Variants in SLC12A2 observed in about 807,000 individuals in gnomAD.
The protein encoded by SLC12A2 is Na-K-2Cl cotransporter 1.
Under a neutral mutation model 136.3 loss-of-function variants are expected in SLC12A2, and 67 were observed. The observed-to-expected ratio is 0.49, with a 90% confidence interval of 0.40 to 0.60. The LOEUF (loss-of-function observed/expected upper bound fraction) is 0.60. Among genes scored for constraint, SLC12A2 ranks in the 20% least tolerant of loss-of-function variants. SLC12A2 has a pLI of 0.00. For synonymous variants in SLC12A2, 619 were observed against 562.9 expected (o/e 1.10, Z -1.41); for missense variants, 1,322 against 1,534.7 (o/e 0.86, Z 2.32).
At chr5:128,124,282 T>C (rs1030141576) in intron 4 of SLC12A2, among the ~76,000 whole-genome samples, 3 of 152,230 alleles carry the variant, frequency 2.0e-5, no homozygotes, top group South Asian at 2.1e-4. Context: ...TGGACACTAA[T>C]TGGGTATCCA....
intron 10 of SLC12A2, among the ~76,000 whole-genome samples, chr5:128,145,298 C>T (rs1339733437): frequency 6.6e-6 from 1 of 152,074 alleles, no homozygotes; most frequent in African/African-American, 2.4e-5. Context: ...ACTCTGTTCT[C>T]TACTTTCGTC....
intron 4 of SLC12A2, among the ~76,000 whole-genome samples, chr5:128,125,611 T>C (rs367796592): frequency 1.3e-5 from 2 of 152,184 alleles, no homozygotes; most frequent in African/African-American, 4.8e-5. Context: ...TCTTACCATT[T>C]TTATCATTTT....
At chr5:128,090,997 A>G (rs964961441) in intron 1 of SLC12A2, among the ~76,000 whole-genome samples, 2 of 152,072 alleles carry the variant, frequency 1.3e-5, no homozygotes, top group Non-Finnish European at 2.9e-5. Context: ...TATGTTTTCA[A>G]AATACCACGC....
chr5:128,108,628 C>T (rs1025418211), intron 1 of SLC12A2, among the ~76,000 whole-genome samples: 7 of 151,522 alleles, frequency 4.6e-5, no homozygotes, highest in Non-Finnish European at 1.0e-4. Flanking sequence ...TGGTGATTGG[C>T]AGGGGCTGAA....
chr5:128,086,792 G>A (rs1301291693), intron 1 of SLC12A2, among the ~76,000 whole-genome samples: 1 of 152,152 alleles, frequency 6.6e-6, no homozygotes, highest in Admixed American at 6.5e-5. Flanking sequence ...GTCGAAAGAG[G>A]GGCAGACAGG....
At chr5:128,137,875 T>TAAAGTA (rs1762235626) in intron 7 of SLC12A2, among the ~76,000 whole-genome samples, 1 of 151,940 alleles carries the variant, frequency 6.6e-6, no homozygotes, top group Admixed American at 6.6e-5. Context: ...ATACAGATAG[T>TAAAGTA]AAAGTAAGTT....
intron 1 of SLC12A2, among the ~76,000 whole-genome samples, chr5:128,101,581 G>A (rs1760742360): frequency 6.6e-6 from 1 of 152,092 alleles, no homozygotes; most frequent in Non-Finnish European, 1.5e-5. Context: ...TGTTAACAGT[G>A]CCCTAAAATA....
intron 1 of SLC12A2, among the ~76,000 whole-genome samples, chr5:128,099,680 T>C (rs527713103): frequency 1.5e-4 from 23 of 152,274 alleles, no homozygotes; most frequent in Middle Eastern, 3.4e-3. Flanking sequence ...TTTCTATTTT[T>C]AAAAATTTTA....
chr5:128,083,856 C>G lies in SLC12A2; in HGVS notation c.-99C>G. On this transcript the variant is annotated 5_prime_UTR_variant, in exon 1 of 27. Coordinates refer to ENST00000262461, the MANE Select transcript of SLC12A2 (RefSeq NM_001046.3). ...GCGGCGGGGAGAAAGACTCTCTCAC[C>G]TGGTCTTGCGGCTGTGGCCACCGCC... The G allele has an allele frequency of 2.2e-6, 2 of 902,274 alleles. No homozygotes were observed. The highest frequency in any genetic ancestry group is 3.5e-5 in the East Asian group (1 of 28,510). 55.9% of individuals were successfully genotyped at this position (902,274 alleles called of 1,614,324 possible). A position where few individuals can be genotyped will look rare whatever the true frequency, so the allele number is the denominator to read the frequency against.
chr5:128,133,197 A>T (rs1762085129), intron 5 of SLC12A2, among the ~76,000 whole-genome samples: 2 of 152,156 alleles, frequency 1.3e-5, no homozygotes, highest in South Asian at 4.1e-4. Flanking sequence ...AGTAAAAAGT[A>T]TGTAGCTTTA....
At position 128,125,172 on chromosome 5, in the gene SLC12A2, G is replaced by A. The variant is rs140544243; in HGVS notation, c.1049-5895G>A. On this transcript the variant is annotated intron_variant, in intron 4 of 26. Transcript: ENST00000262461. ...ACAATAATAAGAGATAGGTCAGGCA[G>A]TCATTTTAGTTTTGATTTTAGTTAT... Among the ~76,000 whole-genome samples, 277 of 152,324 alleles carry A rather than the reference G, an allele frequency of 1.8e-3. 1 individual carries two copies. The highest frequency in any genetic ancestry group is 6.2e-3 in the African/African-American group (258 of 41,576).
intron 21 of SLC12A2, among the ~76,000 whole-genome samples, chr5:128,177,977 G>A (rs1318753653): frequency 1.3e-5 from 2 of 152,088 alleles, no homozygotes; most frequent in East Asian, 3.9e-4. Flanking sequence ...GTGGTTATAT[G>A]GCTTTAGAAT....
chr5:128,089,261 G>T (rs1760219465), intron 1 of SLC12A2, among the ~76,000 whole-genome samples: 2 of 152,044 alleles, frequency 1.3e-5, no homozygotes, highest in South Asian at 4.2e-4. Context: ...CATGGTAGGA[G>T]CCTGTTGTCC....
intron 19 of SLC12A2, among the ~76,000 whole-genome samples, chr5:128,172,789 C>T (rs927549861): frequency 1.3e-5 from 2 of 151,870 alleles, no homozygotes; most frequent in Admixed American, 6.6e-5. Flanking sequence ...GGTGAAGCCC[C>T]GTCTCTACTA....
At chr5:128,185,530 CAA>C (rs200941115) in intron 26 of SLC12A2, among the ~76,000 whole-genome samples, 1,995 of 139,176 alleles carry the variant, frequency 0.014, 37 homozygotes, top group African/African-American at 0.05. Flanking sequence ...TTCAATAAAT[CAA>C]AAAGTTTCAA....
At chr5:128,111,409 A>G (rs765956525) in intron 1 of SLC12A2, among the ~76,000 whole-genome samples, 10 of 152,150 alleles carry the variant, frequency 6.6e-5, no homozygotes, top group Non-Finnish European at 1.2e-4. Flanking sequence ...GGGAATTTTG[A>G]TTATCATGTA....
intron 23 of SLC12A2, 99 bp downstream of exon 23, chr5:128,181,093 A>G (rs1014911926): frequency 7.4e-6 from 6 of 807,596 alleles, no homozygotes; most frequent in African/African-American, 1.7e-5. Flanking sequence ...GAAAATGTCT[A>G]TTATCTTGCT....
chr5:128,162,452 A>T (rs1763071726), intron 17 of SLC12A2, among the ~76,000 whole-genome samples: 1 of 152,140 alleles, frequency 6.6e-6, no homozygotes, highest in Non-Finnish European at 1.5e-5. Context: ...TGGATTAAAT[A>T]CCTAAATTTA....
chr5:128,137,464 C>G (rs542524960), intron 7 of SLC12A2, among the ~76,000 whole-genome samples: 1 of 152,184 alleles, frequency 6.6e-6, no homozygotes, highest in Admixed American at 6.5e-5. Flanking sequence ...ATTAGATTCT[C>G]TCTCTCTCTC....
Sources: gnomAD v4.1 joint callset for allele counts (sites outside exome capture counted in the v4.1 genomes callset) on GRCh38, gnomAD v4.1.1 for gene constraint, MANE v1.5 for transcripts, NCBI Gene and HGNC (gene_info 2026-07-23, HGNC 2026-07-21) for gene names.